The following GOLGA4 variants were observed in gnomAD, a reference collection of about 807,000 sequenced individuals.
The protein encoded by GOLGA4 is golgin A4, also known as golgin subfamily A member 4.
Under a neutral mutation model 265.9 loss-of-function variants are expected in GOLGA4, and 169 were observed. The ratio of observed to expected loss-of-function variants is 0.64; its 90% CI spans 0.56 to 0.72. GOLGA4 has a LOEUF of 0.72. Ranked by LOEUF, GOLGA4 falls within the 30% of genes least tolerant of loss-of-function variation. The pLI, the probability that GOLGA4 is intolerant of heterozygous loss-of-function variation, is 0.00. For missense variants in GOLGA4, 2,482 were observed against 2,483.4 expected, an observed-to-expected ratio of 1.00 and a Z score of 0.01; for synonymous variants, 923 against 855.8, an observed-to-expected ratio of 1.08 and a Z score of -1.37.
At chr3:37,333,053 A>G (rs1206263185) in intron 16 of GOLGA4, among the ~76,000 whole-genome samples, 1 of 152,248 alleles carries the variant, frequency 6.6e-6, no homozygotes, top group Admixed American at 6.5e-5. Flanking sequence ...TGCCTGGCAC[A>G]TACGAGCACT....
At chr3:37,272,609 CA>C (rs2096801786) in intron 2 of GOLGA4, among the ~76,000 whole-genome samples, 1 of 152,178 alleles carries the variant, frequency 6.6e-6, no homozygotes, top group Non-Finnish European at 1.5e-5. Flanking sequence ...TTCCTACCAT[CA>C]AACTACTTAA....
chr3:37,329,921 A>T (rs891916664), intron 16 of GOLGA4, among the ~76,000 whole-genome samples: 1 of 151,988 alleles, frequency 6.6e-6, no homozygotes, highest in Admixed American at 6.5e-5. Context: ...ATCATACCTC[A>T]GCTGACTATG....
intron 2 of GOLGA4, among the ~76,000 whole-genome samples, chr3:37,281,533 T>C (rs1039391430): frequency 3.9e-5 from 6 of 152,232 alleles, no homozygotes; most frequent in African/African-American, 1.4e-4. Flanking sequence ...CATTTCATGG[T>C]ATATACCTAC....
chr3:37,356,287 G>T (rs1002657930), intron 22 of GOLGA4, among the ~76,000 whole-genome samples: 2 of 152,090 alleles, frequency 1.3e-5, no homozygotes, highest in African/African-American at 4.8e-5. Flanking sequence ...CACAAGGTCA[G>T]CCCTGAAGGG....
intron 20 of GOLGA4, among the ~76,000 whole-genome samples, chr3:37,345,572 G>A (rs537810585): frequency 3.3e-5 from 5 of 152,238 alleles, no homozygotes; most frequent in South Asian, 2.1e-4. Context: ...TAATTTCCTC[G>A]CATAATTGCT....
intron 16 of GOLGA4, among the ~76,000 whole-genome samples, chr3:37,332,660 C>A (rs927604355): frequency 3.3e-5 from 5 of 150,918 alleles, no homozygotes; most frequent in Admixed American, 6.6e-5. Context: ...AAAATTGTAC[C>A]CATTCCTCCT....
chr3:37,365,882 C>T (rs922198669), intron 23 of GOLGA4, among the ~76,000 whole-genome samples, 198 bp from the exon 24 acceptor site: 2 of 150,606 alleles, frequency 1.3e-5, no homozygotes, highest in African/African-American at 4.9e-5. Context: ...ATTCTCCCAT[C>T]TTGGCCTCTC....
chr3:37,248,621 C>T (rs1292669347), intron 1 of GOLGA4, among the ~76,000 whole-genome samples: 1 of 152,148 alleles, frequency 6.6e-6, no homozygotes, highest in African/African-American at 2.4e-5. Context: ...GAGGAAGATC[C>T]AGAGGAAGAT....
At position 37,340,180 on chromosome 3, in the gene GOLGA4, T is replaced by C. The variant is rs776992197; in HGVS notation, c.6453T>C (p.Thr2151=). 7.1e-7 allele frequency: 1 copy of C among 1,407,054 alleles called. No individual in the cohort carries two copies. The highest frequency in any genetic ancestry group is 1.9e-5 in the Admixed American group (1 of 52,834). The allele number at this position is 1,407,054 out of a possible 1,614,324, so 87.2% of individuals were successfully genotyped here. A position where few individuals can be genotyped will look rare whatever the true frequency, so the allele number is the denominator to read the frequency against. Residue 2151 remains threonine (T), a synonymous_variant, in exon 20 of 24, where the codon ACT becomes ACC. Coordinates refer to ENST00000361924, the MANE Select transcript of GOLGA4 (RefSeq NM_002078.5). The stretch of plus-strand genomic sequence containing the variant: ...ATGAAAAGAATGTATATGCAACAAC[T>C]GTGGGGACACCTTACAAAGGTAAGG... The part of the protein sequence containing the change: ...KKYEKNVYAT[T]VGTPYKGGNL...
Position 37,328,416 on chromosome 3 carries a change from A to G in GOLGA4, c.5940A>G (p.Lys1980=). 6.2e-7 allele frequency: 1 copy of G among 1,611,522 alleles called. No individual in the cohort carries two copies. Among genetic ancestry groups the G allele is most frequent in the Admixed American group, 1.7e-5 (1 of 59,634 alleles). The change falls in exon 15 of 24, where the codon AAA becomes AAG. Residue 1980 remains lysine, a splice_region_variant and synonymous_variant. Transcript: ENST00000361924. ...TTAACGGTACATTTTTATTACTCAG[A>G]CAGGAGCAGGAAGATCTTGAACTGA... The part of the protein sequence containing the change: ...EYDQEREEKI[K]QEQEDLELKH...
In GOLGA4 at chr3:37,326,955, T is replaced by C. The variant is rs938574037; in HGVS notation, c.5069T>C (p.Ile1690Thr). The stretch of plus-strand genomic sequence containing the variant: ...CAGGAAAGAGAAAGGGAAGTTCACA[T>C]CTTGGAAGAAAAACTTAAGTCAGTG... The part of the protein sequence containing the change: ...KLQEREREVH[I>T]LEEKLKSVES... The change falls in exon 14 of 24, where the codon ATC becomes ACC. Residue 1690 changes from isoleucine (I) to threonine (T), a missense_variant. Coordinates refer to ENST00000361924, the MANE Select transcript of GOLGA4 (RefSeq NM_002078.5). 6.2e-7 allele frequency: 1 copy of C among 1,613,904 alleles called. No homozygotes were observed. Among genetic ancestry groups the C allele is most frequent in the Non-Finnish European group, 8.5e-7 (1 of 1,179,848 alleles).
intron 3 of GOLGA4, among the ~76,000 whole-genome samples, chr3:37,285,220 C>T (rs896446090): frequency 3.4e-5 from 5 of 147,762 alleles, no homozygotes; most frequent in Non-Finnish European, 7.4e-5. Context: ...AGGCTGGTCT[C>T]GAACTCTTGG....
At chr3:37,290,918 C>T (rs193285238) in intron 5 of GOLGA4, among the ~76,000 whole-genome samples, 170 of 152,250 alleles carry the variant, frequency 1.1e-3, no homozygotes, top group Non-Finnish European at 2.1e-3. Flanking sequence ...GCAAATAATA[C>T]GGCATTTCTA....
intron 1 of GOLGA4, among the ~76,000 whole-genome samples, chr3:37,247,897 A>G (rs1390129180): frequency 6.6e-6 from 1 of 152,182 alleles, no homozygotes; most frequent in African/African-American, 2.4e-5. Flanking sequence ...AGGACAGCAG[A>G]AGTACGTCCC....
At chr3:37,298,757 T>C in intron 7 of GOLGA4, 76 bp from the exon 8 acceptor site, 2 of 942,812 alleles carry the variant, frequency 2.1e-6, no homozygotes, top group Non-Finnish European at 3.3e-6. Context: ...TCTCTTTGAC[T>C]GTCTCAGTCA....
chr3:37,335,201 T>A, intron 17 of GOLGA4, 35 bp downstream of exon 17: 1 of 1,052,524 alleles, frequency 9.5e-7, no homozygotes, highest in Non-Finnish European at 1.5e-6. Flanking sequence ...ACATGTTTCT[T>A]GAAAACATTG....
chr3:37,252,157 C>T (rs1178987154), intron 2 of GOLGA4, among the ~76,000 whole-genome samples: 1 of 151,702 alleles, frequency 6.6e-6, no homozygotes, highest in Non-Finnish European at 1.5e-5. Flanking sequence ...TGAAGTGTAA[C>T]ACACATACAA....
chr3:37,304,451 C>T (rs574557878), intron 10 of GOLGA4, among the ~76,000 whole-genome samples: 1 of 152,148 alleles, frequency 6.6e-6, no homozygotes, highest in Non-Finnish European at 1.5e-5. Flanking sequence ...AGAATATAAT[C>T]TTTGAAGACT....
chr3:37,326,825 A>C lies in GOLGA4; in HGVS notation c.4939A>C (p.Lys1647Gln). ...AGAGTTGAAGAGAAAAGCTGAACAAAAAATTGCTGCCATTAAGAAGCAGTT... is the reference window on the plus strand; with the variant it reads ...AGAGTTGAAGAGAAAAGCTGAACAACAAATTGCTGCCATTAAGAAGCAGTT... ...LAELKRKAEQ[K>Q]IAAIKKQLLS... Residue 1647 changes from lysine to glutamine, a missense_variant, in exon 14 of 24, where the codon AAA becomes CAA. By Grantham distance (53) the Lys-to-Gln change is moderately conservative. Around this residue, in one of 3 missense-constraint regions of GOLGA4, gnomAD observed 942 missense variants for 983.1 expected, o/e 0.96. Transcript: ENST00000361924. The C allele has an allele frequency of 1.9e-6, 3 of 1,613,760 alleles. No individual in the cohort carries two copies. Among genetic ancestry groups the C allele is most frequent in the African/African-American group, 2.7e-5 (2 of 75,028 alleles).
Sources: gnomAD v4.1 joint callset for allele counts (sites outside exome capture counted in the v4.1 genomes callset) on GRCh38, gnomAD v4.1.1 for gene constraint, gnomAD v4.1.1 regional missense constraint, MANE v1.5 for transcripts, NCBI Gene and HGNC (gene_info 2026-07-23, HGNC 2026-07-21) for gene names.